The following VPS13A variants were observed in gnomAD, a reference collection of about 807,000 sequenced individuals.
VPS13A encodes intermembrane lipid transfer protein VPS13A.
A neutral mutation model predicts 390.9 loss-of-function variants in VPS13A; 264 were observed. The observed-to-expected ratio is 0.68, with a 90% confidence interval of 0.61 to 0.75. The LOEUF (loss-of-function observed/expected upper bound fraction) is 0.75. VPS13A is among the 30% of genes least tolerant of loss of function. The pLI, the probability that VPS13A is intolerant of heterozygous loss-of-function variation, is 0.00. For synonymous variants in VPS13A, 1,231 were observed against 1,227.1 expected (o/e 1.00, Z -0.07); for missense variants, 3,409 against 3,733.9 (o/e 0.91, Z 2.27).
At position 77,259,477 on chromosome 9, in the gene VPS13A, G is replaced by A. The variant is rs75795810; in HGVS notation, c.2289-609G>A. 6.1e-4 allele frequency among the ~76,000 whole-genome samples: 93 copies of A among 152,278 alleles called. 1 individual carries two copies. The East Asian group carries it at 0.015, about 24-fold the overall frequency. On this transcript the variant is annotated intron_variant, in intron 22 of 71. Transcript: ENST00000360280. ...TAACGTAAGTAATCAGTGTGCGTAC[G>A]TGGAAAAAGTAATTTTTAGGGAAAA... is the stretch of plus-strand genomic sequence containing the variant.
At chr9:77,263,323 G>C (rs539179339) in intron 23 of VPS13A, among the ~76,000 whole-genome samples, 17 of 151,900 alleles carry the variant, frequency 1.1e-4, no homozygotes, top group Middle Eastern at 3.2e-3. Flanking sequence ...TAGCCAGGAT[G>C]GTCTCAATCT....
chr9:77,351,332 A>G lies in VPS13A; in HGVS notation c.7305A>G (p.Ile2435Met). The stretch of plus-strand genomic sequence containing the variant: ...ACTGTGTCAGTTCTCTCAGTGAAAT[A>G]GAAGATTCCCTCCCTCCTGGTAAAG... Reference protein sequence around the residue: ...VQYNQSSLSEIEDSLPPGKAV... With the variant: ...VQYNQSSLSEMEDSLPPGKAV... The change falls in exon 53 of 72, where the codon ATA (isoleucine) becomes ATG (methionine). Residue 2435 changes from isoleucine (I) to methionine (M), a missense_variant. Ile to Met is a conservative substitution (Grantham distance 10, BLOSUM62 1). Coordinates refer to ENST00000360280, the MANE Select transcript of VPS13A (RefSeq NM_033305.3). The G allele has an allele frequency of 6.2e-7, 1 of 1,613,672 alleles. No homozygotes were observed. The highest frequency in any genetic ancestry group is 8.5e-7 in the Non-Finnish European group (1 of 1,179,686).
chr9:77,333,659 A>T (rs546035997), intron 46 of VPS13A, among the ~76,000 whole-genome samples: 1 of 152,016 alleles, frequency 6.6e-6, no homozygotes, highest in East Asian at 1.9e-4. Context: ...GTATTCTTTT[A>T]ATCTAGTACT....
intron 9 of VPS13A, among the ~76,000 whole-genome samples, chr9:77,213,543 C>G (rs1826091829): frequency 6.7e-6 from 1 of 149,958 alleles, no homozygotes; most frequent in Admixed American, 6.7e-5. Flanking sequence ...GTTGCCCAGG[C>G]TGAAATGCAG....
In VPS13A at chr9:77,420,088, C is replaced by T. The variant is rs1835300808; in HGVS notation, c.*4082C>T. The T allele has an allele frequency of 6.6e-6, 1 of 152,106 alleles. No individual in the cohort carries two copies. Among genetic ancestry groups the T allele is most frequent in the African/African-American group, 2.4e-5 (1 of 41,420 alleles). The allele number at this position is 152,106 out of a possible 1,614,324, so 9.4% of individuals were successfully genotyped here. Reference sequence around the variant, plus strand: ...TATAGCGCAACTCTAAAAGGAAACCCATTCACCCTCCTTAGTCCTTTGAAG... The same window carrying T: ...TATAGCGCAACTCTAAAAGGAAACCTATTCACCCTCCTTAGTCCTTTGAAG... On this transcript the variant is annotated 3_prime_UTR_variant, in exon 72 of 72. Transcript: ENST00000360280.
intron 45 of VPS13A, among the ~76,000 whole-genome samples, chr9:77,328,809 C>T (rs980096587): frequency 1.3e-5 from 2 of 152,124 alleles, no homozygotes; most frequent in Non-Finnish European, 2.9e-5. Flanking sequence ...ATCTTCTATC[C>T]TGTATTAGGC....
rs1823943101 is a variant in VPS13A at position 77,233,278 on chromosome 9, A to G, written c.1596-4724A>G. 2.6e-5 allele frequency among the ~76,000 whole-genome samples: 4 copies of G among 151,422 alleles called. No homozygotes were observed. In the South Asian group the frequency reaches 6.3e-4, roughly 24 times the overall value. On this transcript the variant is annotated intron_variant, in intron 17 of 71. Transcript: ENST00000360280. ...TCCACTTTGATTTCTAGTTATAGAT[A>G]TTTGCATCTTTAGTGTTTTTTTTCT...
At chr9:77,279,624 T>G (rs1459745438) in intron 26 of VPS13A, among the ~76,000 whole-genome samples, 1 of 152,156 alleles carries the variant, frequency 6.6e-6, no homozygotes, top group African/African-American at 2.4e-5. Flanking sequence ...AACTGCCCTC[T>G]TCTACCCAGT....
intron 23 of VPS13A, among the ~76,000 whole-genome samples, chr9:77,271,210 C>A (rs1055669087): frequency 1.3e-5 from 2 of 152,092 alleles, no homozygotes; most frequent in African/African-American, 4.8e-5. Context: ...AGATGTTCGA[C>A]TTTATTACTC....
At chr9:77,270,182 T>C (rs1252275979) in intron 23 of VPS13A, among the ~76,000 whole-genome samples, 1 of 152,156 alleles carries the variant, frequency 6.6e-6, no homozygotes, top group Non-Finnish European at 1.5e-5. Flanking sequence ...AACTGGGTAA[T>C]GGGCAGAGAC....
In VPS13A at chr9:77,318,345, G is replaced by A; in HGVS notation, c.5067G>A (p.Lys1689=). ...TASSTAHLWE[K]KDTKTLKMWF... Reference sequence around the variant, plus strand: ...CTTCTACTGCACATTTATGGGAAAAGAAGGATACAAAGACTTTAAAAATGT... The same window carrying A: ...CTTCTACTGCACATTTATGGGAAAAAAAGGATACAAAGACTTTAAAAATGT... Residue 1689 remains lysine (K), a synonymous_variant, in exon 41 of 72, where the codon AAG becomes AAA. Coordinates refer to ENST00000360280, the MANE Select transcript of VPS13A (RefSeq NM_033305.3). The A allele has an allele frequency of 1.9e-6, 3 of 1,613,386 alleles. No homozygotes were observed. Among genetic ancestry groups the A allele is most frequent in the Non-Finnish European group, 2.5e-6 (3 of 1,179,790 alleles).
rs1831016992 is a variant in VPS13A, at chr9:77,344,287, T to G, written c.7155+6T>G. ...TATTGCGTCTAGATAACGAGGTAAG[T>G]TTTTTTTTCTTTTTTGCATGTGTCA... On this transcript the variant is annotated splice_donor_region_variant and intron_variant, in intron 51 of 71. Transcript: ENST00000360280. The G allele has an allele frequency of 6.2e-7, 1 of 1,609,618 alleles. No homozygotes were observed. The highest frequency in any genetic ancestry group is 1.1e-5 in the South Asian group (1 of 90,832).
intron 33 of VPS13A, among the ~76,000 whole-genome samples, chr9:77,299,797 C>T (rs1342590864): frequency 6.6e-6 from 1 of 152,062 alleles, no homozygotes; most frequent in East Asian, 1.9e-4. Flanking sequence ...AGCTGGAAAC[C>T]ATCATTCTCA....
chr9:77,347,016 T>C (rs1831194304), intron 52 of VPS13A, among the ~76,000 whole-genome samples: 1 of 152,206 alleles, frequency 6.6e-6, no homozygotes, highest in South Asian at 2.1e-4. Context: ...TTATTTCTGG[T>C]TTCTCTATTC....
chr9:77,394,921 T>C (rs1209910918), intron 68 of VPS13A, among the ~76,000 whole-genome samples: 1 of 152,234 alleles, frequency 6.6e-6, no homozygotes, highest in African/African-American at 2.4e-5. Flanking sequence ...GGCCTTGCTC[T>C]GGATTAGGCT....
intron 71 of VPS13A, among the ~76,000 whole-genome samples, chr9:77,411,969 T>C (rs1387175181): frequency 6.6e-6 from 1 of 152,102 alleles, no homozygotes; most frequent in Non-Finnish European, 1.5e-5. Flanking sequence ...TAAACACCTC[T>C]ATGCAAATAA....
chr9:77,350,706 C>G (rs997469675), intron 52 of VPS13A, among the ~76,000 whole-genome samples: 1 of 151,958 alleles, frequency 6.6e-6, no homozygotes, highest in Non-Finnish European at 1.5e-5. Flanking sequence ...CCCCTATTTT[C>G]TTACAAAGAT....
chr9:77,238,652 C>CA (rs1564655102), intron 19 of VPS13A, among the ~76,000 whole-genome samples: 2 of 152,254 alleles, frequency 1.3e-5, no homozygotes, highest in Non-Finnish European at 2.9e-5. Flanking sequence ...CTATTTATGA[C>CA]AAAAACTGGC....
chr9:77,373,372 A>G (rs2131594230), intron 67 of VPS13A, among the ~76,000 whole-genome samples: 1 of 142,184 alleles, frequency 7.0e-6, no homozygotes, highest in South Asian at 2.5e-4. Context: ...CCTGACAAAA[A>G]CAAGCAATGG....
Sources: gnomAD v4.1 joint callset for allele counts (sites outside exome capture counted in the v4.1 genomes callset) on GRCh38, gnomAD v4.1.1 for gene constraint, MANE v1.5 for transcripts, NCBI Gene and HGNC (gene_info 2026-07-23, HGNC 2026-07-21) for gene names.